SNTB2: variants seen among roughly 807,000 people sequenced by gnomAD.
SNTB2 encodes the protein syntrophin beta 2.
SNTB2 carries 34 observed loss-of-function variants against 46.2 expected under a neutral mutation model. The observed-to-expected ratio is 0.74, with a 90% CI of 0.56 to 0.98. The LOEUF is 0.98. Among genes scored for constraint, SNTB2 ranks in the 50% least tolerant of loss-of-function variants. The pLI is 0.00. For missense variants in SNTB2, 603 were observed against 731.4 expected (o/e 0.82, Z 2.02); for synonymous variants, 290 against 312.6 (o/e 0.93, Z 0.76).
At chr16:69,271,682 T>G (rs1964939248) in intron 4 of SNTB2, among the ~76,000 whole-genome samples, 2 of 152,324 alleles carry the variant, frequency 1.3e-5, no homozygotes, top group South Asian at 4.1e-4. Flanking sequence ...GGAATATGGC[T>G]GTGGAGATCT....
intron 1 of SNTB2, among the ~76,000 whole-genome samples, chr16:69,240,044 G>T (rs1230541783): frequency 1.3e-5 from 2 of 152,160 alleles, no homozygotes; most frequent in African/African-American, 4.8e-5. Context: ...GGAAATTTGG[G>T]TTGTTTCCAG....
intron 2 of SNTB2, among the ~76,000 whole-genome samples, chr16:69,251,065 G>A (rs1417916647): frequency 7.0e-6 from 1 of 142,850 alleles, no homozygotes; most frequent in Non-Finnish European, 1.5e-5. Flanking sequence ...TGCAAGCTCC[G>A]CCTCCCGGGT....
At chr16:69,289,499 T>C (rs766072068) in intron 5 of SNTB2, among the ~76,000 whole-genome samples, 13 of 152,112 alleles carry the variant, frequency 8.5e-5, no homozygotes, top group Non-Finnish European at 1.6e-4. Flanking sequence ...CTTAAAATGT[T>C]CCCAACATAT....
At chr16:69,278,886 A>AAG (rs905939660) in intron 4 of SNTB2, among the ~76,000 whole-genome samples, 12 of 110,984 alleles carry the variant, frequency 1.1e-4, no homozygotes, top group Non-Finnish European at 1.8e-4. Context: ...CAGAGGTGGG[A>AAG]AGAGTGTGTG....
At chr16:69,224,105 A>T (rs920890677) in intron 1 of SNTB2, among the ~76,000 whole-genome samples, 1 of 152,112 alleles carries the variant, frequency 6.6e-6, no homozygotes, top group African/African-American at 2.4e-5. Flanking sequence ...TCAGTGTATC[A>T]TATTGGGCAG....
At chr16:69,280,653 G>T (rs919342110) in intron 4 of SNTB2, among the ~76,000 whole-genome samples, 3 of 152,336 alleles carry the variant, frequency 2.0e-5, no homozygotes, top group Admixed American at 2.0e-4. Flanking sequence ...TCACTTCCCA[G>T]TAGGGGCGGC....
At chr16:69,270,372 G>A (rs1273777355) in intron 4 of SNTB2, 87 bp downstream of exon 4, 5 of 1,510,082 alleles carry the variant, frequency 3.3e-6, no homozygotes, top group Non-Finnish European at 4.5e-6. Context: ...GTTATCTTAG[G>A]TGCCTAAAAG....
rs1292900093 is a variant in SNTB2 at position 69,241,624 on chromosome 16, T to TA, written c.581-3966dup. On this transcript the variant is annotated intron_variant, in intron 1 of 6. Coordinates refer to ENST00000336278, the MANE Select transcript of SNTB2 (RefSeq NM_006750.4). ...CAACATGGTGAAACCCCGTCTCTAC[T>TA]AAAAAAAAAAAAGCCACTTAACAGG... 2.4e-3 allele frequency among the ~76,000 whole-genome samples: 330 copies of TA among 135,624 alleles called. 5 individuals are homozygous for TA. In the East Asian group the frequency reaches 0.044, roughly 18 times the overall value. 89.0% of individuals were successfully genotyped at this position (135,624 alleles called of 152,430 possible).
At chr16:69,210,598 A>T (rs929450682) in intron 1 of SNTB2, among the ~76,000 whole-genome samples, 1 of 151,888 alleles carries the variant, frequency 6.6e-6, no homozygotes, top group East Asian at 1.9e-4. Flanking sequence ...CAGTAGTGTG[A>T]TCAGCTTGGA....
intron 1 of SNTB2, among the ~76,000 whole-genome samples, chr16:69,205,298 C>T (rs919592630): frequency 6.0e-5 from 9 of 150,746 alleles, no homozygotes; most frequent in South Asian, 4.2e-4. Flanking sequence ...TACAGGCACG[C>T]GCCACCACGC....
In SNTB2 at chr16:69,211,531, C is replaced by T. The variant is rs531586708; in HGVS notation, c.580+23785C>T. On this transcript the variant is annotated intron_variant, in intron 1 of 6. Transcript: ENST00000336278. The stretch of plus-strand genomic sequence containing the variant: ...TGGGCAACATAATGAGACCCCATCT[C>T]AAGGGAAAAAAAAAAAAAAAAAGGG... 8.8e-5 allele frequency among the ~76,000 whole-genome samples: 8 copies of T among 91,220 alleles called. No individual in the cohort carries two copies. The East Asian group carries it at 2.4e-3, about 28-fold the overall frequency. The allele number at this position is 91,220 out of a possible 152,430, so 59.8% of individuals were successfully genotyped here. A position where few individuals can be genotyped will look rare whatever the true frequency, so the allele number is the denominator to read the frequency against.
intron 1 of SNTB2, among the ~76,000 whole-genome samples, chr16:69,215,448 G>A (rs1053642819): frequency 7.9e-5 from 12 of 152,180 alleles, no homozygotes; most frequent in African/African-American, 1.9e-4. Context: ...GTTCATACGT[G>A]TATGTTCTCC....
At chr16:69,265,669 A>G (rs144976316) in intron 3 of SNTB2, among the ~76,000 whole-genome samples, 4 of 151,798 alleles carry the variant, frequency 2.6e-5, no homozygotes, top group Non-Finnish European at 5.9e-5. Context: ...TCTACTAAAA[A>G]TACAAAACTT....
chr16:69,299,431 A>C (rs1965258780), intron 5 of SNTB2, among the ~76,000 whole-genome samples, 159 bp from the exon 6 acceptor site: 1 of 152,018 alleles, frequency 6.6e-6, no homozygotes, highest in African/African-American at 2.4e-5. Flanking sequence ...GTGAGCCACC[A>C]CGCCTAGCAC....
chr16:69,187,837 C>T (rs1402887869), intron 1 of SNTB2, 91 bp downstream of exon 1: 1 of 1,037,594 alleles, frequency 9.6e-7, no homozygotes, highest in Non-Finnish European at 1.3e-6. Flanking sequence ...CGGGGCGAGC[C>T]GGTTCTCTCC....
chr16:69,195,317 T>TA (rs774644299), intron 1 of SNTB2, among the ~76,000 whole-genome samples: 10 of 152,234 alleles, frequency 6.6e-5, no homozygotes, highest in Non-Finnish European at 1.2e-4. Context: ...GTTGCCCAGG[T>TA]TGGAGTACAA....
At chr16:69,255,919 G>A (rs1964771383) in intron 2 of SNTB2, among the ~76,000 whole-genome samples, 1 of 151,516 alleles carries the variant, frequency 6.6e-6, no homozygotes, top group Admixed American at 6.6e-5. Context: ...GCGACGCAGT[G>A]GCTCACGCCT....
chr16:69,258,464 G>A (rs1964799541), intron 2 of SNTB2, among the ~76,000 whole-genome samples: 1 of 151,866 alleles, frequency 6.6e-6, no homozygotes, highest in Admixed American at 6.6e-5. Context: ...CTCTTGGTGA[G>A]CATTAATACA....
chr16:69,226,670 CA>C (rs958891212), intron 1 of SNTB2, among the ~76,000 whole-genome samples: 7 of 152,268 alleles, frequency 4.6e-5, no homozygotes, highest in African/African-American at 1.4e-4. Flanking sequence ...GCTGGGACTA[CA>C]AGCATATGCC....
Sources: gnomAD v4.1 joint callset for allele counts (sites outside exome capture counted in the v4.1 genomes callset) on GRCh38, gnomAD v4.1.1 for gene constraint, MANE v1.5 for transcripts, NCBI Gene and HGNC (gene_info 2026-07-23, HGNC 2026-07-21) for gene names.